B3GAT2: variants seen among roughly 807,000 people sequenced by gnomAD.
B3GAT2 encodes the protein galactosylgalactosylxylosylprotein 3-beta-glucuronosyltransferase 2.
In B3GAT2, 26 loss-of-function variants were observed where a neutral mutation model predicts 27.8. That is an observed-to-expected ratio of 0.93 (90% confidence interval 0.68 to 1.30). B3GAT2 has a LOEUF of 1.30. Among genes scored for constraint, B3GAT2 ranks in the 50% most tolerant of loss-of-function variants. The pLI is 0.00. For missense variants in B3GAT2, 458 were observed against 459.0 expected, an observed-to-expected ratio of 1.00 and a Z score of 0.02; for synonymous variants, 218 against 195.1, an observed-to-expected ratio of 1.12 and a Z score of -0.98.
chr6:70,910,809 C>T (rs1772677562), intron 1 of B3GAT2, among the ~76,000 whole-genome samples: 1 of 152,132 alleles, frequency 6.6e-6, no homozygotes, highest in Non-Finnish European at 1.5e-5. Flanking sequence ...ATAGGCATTC[C>T]CTTTTCTCCA....
At chr6:70,888,335 C>T (rs376523406) in intron 2 of B3GAT2, among the ~76,000 whole-genome samples, 37 of 151,936 alleles carry the variant, frequency 2.4e-4, no homozygotes, top group African/African-American at 7.5e-4. Flanking sequence ...ACATAAATTA[C>T]GACTCAAAGG....
chr6:70,885,512 C>T (rs1392425902), intron 2 of B3GAT2, among the ~76,000 whole-genome samples: 5 of 152,032 alleles, frequency 3.3e-5, no homozygotes, highest in Admixed American at 6.5e-5. Flanking sequence ...TAAGGGCTAG[C>T]GTTTATCTCA....
intron 1 of B3GAT2, among the ~76,000 whole-genome samples, chr6:70,919,147 A>G (rs546649224): frequency 6.6e-6 from 1 of 151,998 alleles, no homozygotes; most frequent in African/African-American, 2.4e-5. Flanking sequence ...CATTAATTTG[A>G]TCTTCAATCA....
intron 2 of B3GAT2, among the ~76,000 whole-genome samples, chr6:70,879,480 G>GATTCATTCATTCATTCATTCATTC (rs140959014): frequency 1.3e-5 from 2 of 151,544 alleles, no homozygotes; most frequent in South Asian, 2.1e-4. Context: ...CTAAACTTAG[G>GATTCATTCATTCATTCATTCATTC]ATTCATTCAT....
chr6:70,919,479 C>T (rs1228607039), intron 1 of B3GAT2, among the ~76,000 whole-genome samples: 1 of 152,126 alleles, frequency 6.6e-6, no homozygotes, highest in Non-Finnish European at 1.5e-5. Context: ...AGAAGAAAGG[C>T]GTTCTGGTTT....
chr6:70,861,788 A>G (rs1156260658), intron 3 of B3GAT2, 39 bp from the exon 4 acceptor site: 5 of 1,613,926 alleles, frequency 3.1e-6, no homozygotes, highest in Non-Finnish European at 4.2e-6. Context: ...CGCACTCTTC[A>G]TGGTGACACT....
At chr6:70,916,407 T>C (rs1372289272) in intron 1 of B3GAT2, among the ~76,000 whole-genome samples, 4 of 152,234 alleles carry the variant, frequency 2.6e-5, no homozygotes, top group African/African-American at 4.8e-5. Context: ...TCTTGCCTTA[T>C]TGCCCTGGCC....
At chr6:70,916,860 T>A (rs539442728) in intron 1 of B3GAT2, among the ~76,000 whole-genome samples, 1 of 152,238 alleles carries the variant, frequency 6.6e-6, no homozygotes, top group East Asian at 1.9e-4. Flanking sequence ...TAAAATTATC[T>A]TTTTTTGTTG....
At chr6:70,920,889 T>C (rs1381954145) in intron 1 of B3GAT2, among the ~76,000 whole-genome samples, 1 of 152,238 alleles carries the variant, frequency 6.6e-6, no homozygotes, top group African/African-American at 2.4e-5. Context: ...CCTTTGCTTA[T>C]TAAGCTTAGT....
At chr6:70,870,602 T>C (rs951155915) in intron 2 of B3GAT2, among the ~76,000 whole-genome samples, 25 of 151,914 alleles carry the variant, frequency 1.6e-4, no homozygotes, top group Admixed American at 1.2e-3. Flanking sequence ...CAAACAGCCA[T>C]GTAAATAAAC....
chr6:70,940,773 C>T (rs891240307), intron 1 of B3GAT2, among the ~76,000 whole-genome samples: 14 of 152,180 alleles, frequency 9.2e-5, no homozygotes, highest in African/African-American at 3.1e-4. Context: ...ACTAAAAATA[C>T]AAAAATTAGC....
chr6:70,939,521 G>C (rs1248073654), intron 1 of B3GAT2, among the ~76,000 whole-genome samples: 1 of 151,160 alleles, frequency 6.6e-6, no homozygotes, highest in Non-Finnish European at 1.5e-5. Flanking sequence ...TGATAGACTG[G>C]ATTAAGAAAA....
chr6:70,894,343 T>TG, intron 1 of B3GAT2, 71 bp from the exon 2 acceptor site: 1 of 1,452,396 alleles, frequency 6.9e-7, no homozygotes, highest in Non-Finnish European at 9.2e-7. Flanking sequence ...ATGTGATCTA[T>TG]GTAGAAGAAG....
chr6:70,925,838 C>T (rs566352447), intron 1 of B3GAT2, among the ~76,000 whole-genome samples: 1 of 152,358 alleles, frequency 6.6e-6, no homozygotes, highest in Non-Finnish European at 1.5e-5. Context: ...AATGGACAGA[C>T]TGCCTCCTCA....
chr6:70,923,234 A>G (rs1404803996), intron 1 of B3GAT2, among the ~76,000 whole-genome samples: 1 of 152,186 alleles, frequency 6.6e-6, no homozygotes, highest in Admixed American at 6.5e-5. Context: ...AAAAAGACAC[A>G]TATCTTTCTA....
rs747721449 is a variant in B3GAT2 at position 70,857,510 on chromosome 6, T to A, written c.*4153A>T. ...TTAAAATAATGAGCTGCATTTCACATGTGAGCTAAAATTGTTGGGCAGCCC... is the reference window on the plus strand; with the variant it reads ...TTAAAATAATGAGCTGCATTTCACAAGTGAGCTAAAATTGTTGGGCAGCCC... On this transcript the variant is annotated 3_prime_UTR_variant, in exon 4 of 4. Transcript: ENST00000230053. 1.1e-4 allele frequency: 20 copies of A among 175,620 alleles called. No individual in the cohort carries two copies. The highest frequency in any genetic ancestry group is 2.2e-4 in the Non-Finnish European group (18 of 82,718). 10.9% of individuals were successfully genotyped at this position (175,620 alleles called of 1,614,324 possible).
chr6:70,859,154 T>C lies in B3GAT2; in HGVS notation c.*2509A>G. On this transcript the variant is annotated 3_prime_UTR_variant, in exon 4 of 4. Transcript: ENST00000230053. ...CACAATCACTATATATCACAGTTAA[T>C]TTTGCTACCACCATTTACAAGAATA... 1 of 520,074 alleles carries C rather than the reference T, an allele frequency of 1.9e-6. No individual in the cohort carries two copies. Among genetic ancestry groups the C allele is most frequent in the South Asian group, 2.8e-5 (1 of 36,094 alleles). The allele number at this position is 520,074 out of a possible 1,614,324, so 32.2% of individuals were successfully genotyped here. A position where few individuals can be genotyped will look rare whatever the true frequency, so the allele number is the denominator to read the frequency against.
At chr6:70,937,402 T>C (rs1351192102) in intron 1 of B3GAT2, among the ~76,000 whole-genome samples, 2 of 151,892 alleles carry the variant, frequency 1.3e-5, no homozygotes, top group Non-Finnish European at 2.9e-5. Flanking sequence ...ACTCATTTTA[T>C]GAGGCCAGCA....
chr6:70,926,013 G>A (rs1002982961), intron 1 of B3GAT2, among the ~76,000 whole-genome samples: 2 of 152,192 alleles, frequency 1.3e-5, no homozygotes, highest in Non-Finnish European at 2.9e-5. Context: ...GCCTCTGCTG[G>A]TGACACCCAG....
Sources: gnomAD v4.1 joint callset for allele counts (sites outside exome capture counted in the v4.1 genomes callset) on GRCh38, gnomAD v4.1.1 for gene constraint, MANE v1.5 for transcripts, NCBI Gene and HGNC (gene_info 2026-07-23, HGNC 2026-07-21) for gene names.